ADAMTSL3: variants seen among roughly 807,000 people sequenced by gnomAD.
ADAMTSL3 encodes ADAMTS like 3.
A neutral mutation model predicts 201.7 loss-of-function variants in ADAMTSL3; 128 were observed. The ratio of observed to expected loss-of-function variants is 0.63; its 90% CI spans 0.55 to 0.73. The LOEUF (loss-of-function observed/expected upper bound fraction) is 0.73, where lower values mean the gene tolerates loss of function less well. ADAMTSL3 is among the 30% of genes least tolerant of loss of function. The pLI is 0.00. For synonymous variants in ADAMTSL3, 738 were observed against 748.4 expected, an observed-to-expected ratio of 0.99 and a Z score of 0.23; for missense variants, 1,990 against 2,119.6, an observed-to-expected ratio of 0.94 and a Z score of 1.20.
chr15:83,949,692 T>A (rs2066723303), intron 19 of ADAMTSL3, among the ~76,000 whole-genome samples: 2 of 152,180 alleles, frequency 1.3e-5, no homozygotes, highest in African/African-American at 2.4e-5. Context: ...GTCTTTTAGA[T>A]AACAGCCATT....
chr15:83,746,410 CA>C (rs1232115177), intron 3 of ADAMTSL3, among the ~76,000 whole-genome samples: 3 of 151,626 alleles, frequency 2.0e-5, no homozygotes, highest in African/African-American at 4.8e-5. Context: ...GTTCTGTTAG[CA>C]AAAAAGAAAG....
chr15:84,033,252 A>G (rs2141942459), intron 28 of ADAMTSL3, among the ~76,000 whole-genome samples: 1 of 152,202 alleles, frequency 6.6e-6, no homozygotes, highest in East Asian at 1.9e-4. Context: ...GTTTTCCCAG[A>G]TGCAAATCTG....
At chr15:84,019,114 C>CACACACACAG (rs2068146182) in intron 25 of ADAMTSL3, among the ~76,000 whole-genome samples, 1 of 150,026 alleles carries the variant, frequency 6.7e-6, no homozygotes, top group Non-Finnish European at 1.5e-5. Flanking sequence ...CACACACACA[C>CACACACACAG]AGTGGGCAAC....
intron 15 of ADAMTSL3, among the ~76,000 whole-genome samples, chr15:83,904,527 G>C (rs1202528516): frequency 6.6e-6 from 1 of 152,170 alleles, no homozygotes. Flanking sequence ...CATGGCTCGA[G>C]TTCTGAATTT....
chr15:83,906,710 G>T (rs1028408390), intron 15 of ADAMTSL3, among the ~76,000 whole-genome samples: 19 of 147,834 alleles, frequency 1.3e-4, no homozygotes, highest in East Asian at 2.0e-4. Flanking sequence ...AACTGTTTTG[G>T]TTTTTTCCAA....
rs1315666519 is a variant in ADAMTSL3, at chr15:83,819,859, T to G, written c.412T>G (p.Tyr138Asp). The stretch of plus-strand genomic sequence containing the variant: ...TTTCAGAGCCCAGCAGTGCTCAGCC[T>G]ACAATGATGTCCAGTATCAGGGGCA... ...EDFRAQQCSA[Y>D]NDVQYQGHYY... The change falls in exon 6 of 30, where the codon TAC (tyrosine) becomes GAC (aspartate). Residue 138 changes from tyrosine (Y) to aspartate (D), a missense_variant. Coordinates refer to ENST00000286744, the MANE Select transcript of ADAMTSL3 (RefSeq NM_207517.3). The G allele has an allele frequency of 6.2e-7, 1 of 1,614,090 alleles. No homozygotes were observed. Among genetic ancestry groups the G allele is most frequent in the Non-Finnish European group, 8.5e-7 (1 of 1,180,022 alleles).
chr15:83,909,865 C>T (rs1448599357), intron 15 of ADAMTSL3, among the ~76,000 whole-genome samples: 5 of 152,196 alleles, frequency 3.3e-5, no homozygotes, highest in Admixed American at 2.0e-4. Flanking sequence ...ATCCACCCAC[C>T]TCGGCCTCCC....
chr15:84,016,455 C>G lies in ADAMTSL3; in HGVS notation c.4229C>G (p.Thr1410Ser). 6.2e-7 allele frequency: 1 copy of G among 1,614,032 alleles called. No homozygotes were observed. Among genetic ancestry groups the G allele is most frequent in the Middle Eastern group, 1.6e-4 (1 of 6,062 alleles). ...HKKYILQATN[T>S]RTNSNDPTGE... ...AAGTACATTCTCCAGGCAACCAACA[C>G]TAGAACCAACAGCAATGACCCAACA... The change falls in exon 25 of 30, where the codon ACT becomes AGT. Residue 1410 changes from threonine to serine, a missense_variant. Thr to Ser is a moderately conservative substitution (Grantham distance 58, BLOSUM62 1). Coordinates refer to ENST00000286744, the MANE Select transcript of ADAMTSL3 (RefSeq NM_207517.3).
At chr15:83,991,397 C>T (rs1426383005) in intron 23 of ADAMTSL3, among the ~76,000 whole-genome samples, 183 bp downstream of exon 23, 1 of 152,214 alleles carries the variant, frequency 6.6e-6, no homozygotes, top group Non-Finnish European at 1.5e-5. Context: ...CATACTGGCT[C>T]ATGAGACCGA....
At chr15:83,697,268 C>T (rs897802499) in intron 2 of ADAMTSL3, among the ~76,000 whole-genome samples, 3 of 152,182 alleles carry the variant, frequency 2.0e-5, no homozygotes, top group African/African-American at 7.2e-5. Flanking sequence ...CTTTTTCATA[C>T]TGTCCATTTT....
At chr15:83,903,845 G>T (rs62027761) in intron 15 of ADAMTSL3, among the ~76,000 whole-genome samples, 61,963 of 107,230 alleles carry the variant, frequency 0.58, 19,746 homozygotes, top group African/African-American at 0.74. Flanking sequence ...TTCATCTCGG[G>T]AGGCAGAGGT....
intron 24 of ADAMTSL3, among the ~76,000 whole-genome samples, chr15:84,015,834 G>C (rs2068079426): frequency 6.6e-6 from 1 of 152,174 alleles, no homozygotes; most frequent in Non-Finnish European, 1.5e-5. Context: ...CTGCATGCTT[G>C]TCTCACTCCT....
At chr15:83,760,820 T>C (rs1033374377) in intron 3 of ADAMTSL3, among the ~76,000 whole-genome samples, 8 of 152,142 alleles carry the variant, frequency 5.3e-5, no homozygotes, top group Non-Finnish European at 1.2e-4. Flanking sequence ...GGTAAGTATT[T>C]TTTTCAATCT....
At position 83,674,718 on chromosome 15, in the gene ADAMTSL3, C is replaced by CATATATACATATATACACATAT. The variant is rs1555428923; in HGVS notation, c.69+18907_69+18908insTATATATATACATATATACACA. Among the ~76,000 whole-genome samples, 15 of 63,972 alleles carry CATATATACATATATACACATAT rather than the reference C, an allele frequency of 2.3e-4. 1 individual carries two copies. The highest frequency in any genetic ancestry group is 4.3e-4 in the African/African-American group (8 of 18,520). The allele number at this position is 63,972 out of a possible 152,430, so 42.0% of individuals were successfully genotyped here. A position where few individuals can be genotyped will look rare whatever the true frequency, so the allele number is the denominator to read the frequency against. On this transcript the variant is annotated intron_variant, in intron 2 of 29. Coordinates refer to ENST00000286744, the MANE Select transcript of ADAMTSL3 (RefSeq NM_207517.3). ...ACACATATATATACATATATACACA[C>CATATATACATATATACACATAT]ATATATACATATATACACACATATA...
At chr15:83,940,136 C>T (rs938496114) in intron 17 of ADAMTSL3, among the ~76,000 whole-genome samples, 4 of 152,122 alleles carry the variant, frequency 2.6e-5, no homozygotes, top group African/African-American at 9.7e-5. Context: ...CAAACTTTGA[C>T]ATTTGATATT....
intron 2 of ADAMTSL3, among the ~76,000 whole-genome samples, chr15:83,674,718 C>CATATATACACAT (rs1567064041): frequency 3.0e-4 from 19 of 63,970 alleles, no homozygotes; most frequent in African/African-American, 8.1e-4. Flanking sequence ...TATATACACA[C>CATATATACACAT]ATATATACAT....
chr15:83,734,037 A>G (rs530306732), intron 3 of ADAMTSL3, among the ~76,000 whole-genome samples: 1 of 152,286 alleles, frequency 6.6e-6, no homozygotes, highest in South Asian at 2.1e-4. Context: ...TCAGCGTAAA[A>G]GGAATAGTGA....
chr15:83,857,095 T>C (rs2064751894), intron 7 of ADAMTSL3, among the ~76,000 whole-genome samples: 1 of 152,224 alleles, frequency 6.6e-6, no homozygotes. Flanking sequence ...AGCATTTTCA[T>C]GTGCTTATTG....
At chr15:83,908,257 G>C (rs6603005) in intron 15 of ADAMTSL3, among the ~76,000 whole-genome samples, 151,682 of 152,356 alleles carry the variant, frequency 1, 75,509 homozygotes, top group East Asian at 1. Flanking sequence ...TTGGTTACTT[G>C]TCTGTACCTC....
Sources: gnomAD v4.1 joint callset for allele counts (sites outside exome capture counted in the v4.1 genomes callset) on GRCh38, gnomAD v4.1.1 for gene constraint, MANE v1.5 for transcripts, NCBI Gene and HGNC (gene_info 2026-07-23, HGNC 2026-07-21) for gene names.